DPP10: variants seen among roughly 807,000 people sequenced by gnomAD.
DPP10 encodes the protein dipeptidyl peptidase like 10, also known as inactive dipeptidyl peptidase 10.
DPP10 carries 33 observed loss-of-function variants against 120.9 expected under a neutral mutation model. That is an observed-to-expected ratio of 0.27 (90% CI 0.21 to 0.37). DPP10 has a LOEUF of 0.37. DPP10 is among the 10% of genes least tolerant of loss of function. The probability of loss-of-function intolerance (pLI) is 1.00; values close to 1 mark genes in which losing one functional copy is unlikely to be tolerated. For synonymous variants in DPP10, 337 were observed against 326.1 expected (o/e 1.03, Z -0.36); for missense variants, 816 against 942.8 (o/e 0.87, Z 1.76).
intron 1 of DPP10, among the ~76,000 whole-genome samples, chr2:114,868,477 C>T (rs1690417157): frequency 6.6e-6 from 1 of 152,154 alleles, no homozygotes; most frequent in African/African-American, 2.4e-5. Context: ...TCACCACGTT[C>T]ACCTCCAATT....
chr2:115,056,639 A>T (rs564383733), intron 1 of DPP10, among the ~76,000 whole-genome samples: 1 of 152,304 alleles, frequency 6.6e-6, no homozygotes, highest in South Asian at 2.1e-4. Context: ...GATCAGAGGC[A>T]TAAGCCACTG....
At chr2:115,268,984 T>TA (rs2059578260) in intron 1 of DPP10, among the ~76,000 whole-genome samples, 1 of 152,072 alleles carries the variant, frequency 6.6e-6, no homozygotes, top group Non-Finnish European at 1.5e-5. Context: ...CTGTCTCTAC[T>TA]AAAAATACAA....
intron 22 of DPP10, 26 bp from the exon 23 acceptor site, chr2:115,836,481 C>T (rs373470069): frequency 2.5e-6 from 4 of 1,602,380 alleles, no homozygotes; most frequent in Admixed American, 1.8e-5. Flanking sequence ...AGTTTCTTCT[C>T]GAATGTCTGT....
chr2:114,745,769 G>T lies in DPP10; in HGVS notation c.60+302931G>T, dbSNP rs144497484. 2.7e-3 allele frequency among the ~76,000 whole-genome samples: 417 copies of T among 152,250 alleles called. 1 individual carries two copies. Among genetic ancestry groups the T allele is most frequent in the Non-Finnish European group, 4.2e-3 (285 of 68,016 alleles). ...CTTTAAATACAAATCCAGAGAAGGG[G>T]CTTCTCTTTAAATATCACAAGAACT... is the stretch of plus-strand genomic sequence containing the variant. On this transcript the variant is annotated intron_variant, in intron 1 of 25. Transcript: ENST00000410059.
chr2:115,783,899 G>A (rs892464537), intron 17 of DPP10, among the ~76,000 whole-genome samples: 5 of 152,060 alleles, frequency 3.3e-5, no homozygotes, highest in African/African-American at 1.2e-4. Flanking sequence ...TGTTTGCAGT[G>A]AAGATGAGTA....
intron 3 of DPP10, among the ~76,000 whole-genome samples, chr2:115,457,444 A>G (rs1457228734): frequency 1.3e-5 from 2 of 152,154 alleles, no homozygotes; most frequent in Middle Eastern, 3.2e-3. Context: ...GTCAGGGAGA[A>G]TGAATTTGCA....
At chr2:115,369,412 C>T (rs768737256) in intron 3 of DPP10, among the ~76,000 whole-genome samples, 14 of 152,050 alleles carry the variant, frequency 9.2e-5, no homozygotes, top group East Asian at 5.8e-4. Flanking sequence ...AACTTTTACA[C>T]GAATAATTGC....
intron 2 of DPP10, among the ~76,000 whole-genome samples, chr2:115,321,596 C>T (rs912980611): frequency 4.8e-5 from 7 of 146,024 alleles, no homozygotes; most frequent in Non-Finnish European, 7.5e-5. Flanking sequence ...AGTTGTTGGC[C>T]GTCATTTGTT....
intron 3 of DPP10, among the ~76,000 whole-genome samples, chr2:115,368,183 G>A (rs1317830588): frequency 6.6e-6 from 1 of 152,224 alleles, no homozygotes; most frequent in African/African-American, 2.4e-5. Context: ...AAAAAGAGAA[G>A]AAAGGCCGAA....
chr2:115,691,308 CA>C (rs1259550713), intron 7 of DPP10, among the ~76,000 whole-genome samples: 3 of 152,048 alleles, frequency 2.0e-5, no homozygotes, highest in African/African-American at 7.2e-5. Context: ...GAAATCTTTA[CA>C]ATGAAATCAT....
At chr2:114,643,142 G>A (rs879324982) in intron 1 of DPP10, among the ~76,000 whole-genome samples, 6 of 151,806 alleles carry the variant, frequency 4.0e-5, no homozygotes, top group Non-Finnish European at 8.8e-5. Flanking sequence ...GTGAACTTGG[G>A]CAGAGAGAAT....
chr2:115,760,889 G>A (rs1010387228), intron 11 of DPP10, among the ~76,000 whole-genome samples: 1 of 152,086 alleles, frequency 6.6e-6, no homozygotes, highest in African/African-American at 2.4e-5. Context: ...CTGAGGCCAG[G>A]AGTTTGAGAC....
intron 1 of DPP10, among the ~76,000 whole-genome samples, chr2:114,630,710 G>A (rs1021222535): frequency 2.6e-5 from 4 of 152,056 alleles, no homozygotes; most frequent in African/African-American, 9.7e-5. Flanking sequence ...TTAGCTGACT[G>A]TCCACCTCTG....
chr2:115,166,613 T>C (rs2105018436), intron 1 of DPP10, among the ~76,000 whole-genome samples: 1 of 145,092 alleles, frequency 6.9e-6, no homozygotes, highest in African/African-American at 2.6e-5. Flanking sequence ...ATTAAGAACA[T>C]ACAACAAATA....
At chr2:114,873,918 C>T (rs1283741534) in intron 1 of DPP10, among the ~76,000 whole-genome samples, 1 of 152,114 alleles carries the variant, frequency 6.6e-6, no homozygotes, top group Non-Finnish European at 1.5e-5. Context: ...GAATGGGATA[C>T]AAAACTTGCT....
chr2:114,735,377 G>C (rs945815903), intron 1 of DPP10, among the ~76,000 whole-genome samples: 13 of 152,106 alleles, frequency 8.5e-5, no homozygotes, highest in African/African-American at 2.9e-4. Flanking sequence ...TTCTTCTGTT[G>C]GGGTAGCCCT....
At chr2:115,531,321 A>C (rs1173478514) in intron 5 of DPP10, among the ~76,000 whole-genome samples, 1 of 152,078 alleles carries the variant, frequency 6.6e-6, no homozygotes, top group Non-Finnish European at 1.5e-5. Context: ...ATTCTGATGC[A>C]TTCAAGACTG....
intron 2 of DPP10, among the ~76,000 whole-genome samples, chr2:115,326,306 CATGATTCATT>C (rs1559425482): frequency 6.6e-6 from 1 of 152,010 alleles, no homozygotes; most frequent in Admixed American, 6.6e-5. Flanking sequence ...GTCATAGTAG[CATGATTCATT>C]ACTCTGGTGT....
At chr2:115,618,780 T>A (rs776670045) in intron 5 of DPP10, among the ~76,000 whole-genome samples, 8 of 152,168 alleles carry the variant, frequency 5.3e-5, no homozygotes, top group Non-Finnish European at 1.2e-4. Context: ...TTGTGTGACA[T>A]GCTGGCCCTA....
Sources: allele counts gnomAD v4.1 joint callset (sites outside exome capture counted in the v4.1 genomes callset), GRCh38; gene constraint gnomAD v4.1.1; transcripts MANE v1.5; gene names NCBI Gene and HGNC (gene_info 2026-07-23, HGNC 2026-07-21).